ZNF493: variants seen among roughly 807,000 people sequenced by gnomAD.
ZNF493 encodes the protein zinc finger protein 493.
In ZNF493, 11 loss-of-function variants were observed where a neutral mutation model predicts 12.2. That is an observed-to-expected ratio of 0.90 (90% CI 0.57 to 1.50). The LOEUF (loss-of-function observed/expected upper bound fraction) is 1.50, where lower values mean the gene tolerates loss of function less well. Among genes scored for constraint, ZNF493 ranks in the 40% most tolerant of loss-of-function variants. ZNF493 has a pLI of 0.00. For synonymous variants in ZNF493, 286 were observed against 302.6 expected, an observed-to-expected ratio of 0.95 and a Z score of 0.57; for missense variants, 950 against 906.6, an observed-to-expected ratio of 1.05 and a Z score of -0.61.
At chr19:21,406,357 G>A (rs1026228167) in intron 3 of ZNF493, among the ~76,000 whole-genome samples, 6 of 149,256 alleles carry the variant, frequency 4.0e-5, no homozygotes, top group Admixed American at 4.0e-4. Context: ...TTTTTTTTTT[G>A]TTGTTCTTTT....
chr19:21,399,217 G>A (rs1974221419), intron 1 of ZNF493, among the ~76,000 whole-genome samples: 1 of 151,854 alleles, frequency 6.6e-6, no homozygotes, highest in African/African-American at 2.4e-5. Context: ...CTGGAGTGCT[G>A]TGGCCCGATC....
Position 21,405,144 on chromosome 19 carries a change from A to G in ZNF493, c.46A>G (p.Arg16Gly), listed in dbSNP as rs752159138. Residue 16 changes from arginine to glycine, a missense_variant, in exon 2 of 4, where the codon AGG becomes GGG. Physicochemically the swap from Arg to Gly is moderately radical, Grantham distance 125. Transcript: ENST00000392288. ...ESLDMGPLTF[R>G]DVAIEFSLEE... Reference sequence around the variant, plus strand: ...TTTGTTTCAGGGGCCGTTGACATTTAGGGATGTGGCCATAGAATTCTCTCT... The same window carrying G: ...TTTGTTTCAGGGGCCGTTGACATTTGGGGATGTGGCCATAGAATTCTCTCT... 1 of 1,613,744 alleles carries G rather than the reference A, an allele frequency of 6.2e-7. No individual in the cohort carries two copies. The highest frequency in any genetic ancestry group is 2.2e-5 in the East Asian group (1 of 44,858).
intron 3 of ZNF493, among the ~76,000 whole-genome samples, chr19:21,422,684 G>C (rs1487031816): frequency 2.0e-5 from 3 of 151,894 alleles, no homozygotes; most frequent in African/African-American, 4.8e-5. Context: ...TTTCCCTTCT[G>C]TGTGACTTTG....
At chr19:21,418,908 C>G (rs2030572659) in intron 3 of ZNF493, among the ~76,000 whole-genome samples, 1 of 152,116 alleles carries the variant, frequency 6.6e-6, no homozygotes, top group African/African-American at 2.4e-5. Flanking sequence ...CACAACCTCC[C>G]AGCGTGGGCG....
intron 3 of ZNF493, among the ~76,000 whole-genome samples, chr19:21,409,074 C>T (rs750697018): frequency 5.9e-5 from 9 of 151,552 alleles, no homozygotes; most frequent in Admixed American, 2.6e-4. Flanking sequence ...TTAGCAGAGA[C>T]GGGGTTTCAC....
chr19:21,425,884 C>T lies in ZNF493; in HGVS notation c.*900C>T. 1.7e-6 allele frequency: 1 copy of T among 594,450 alleles called. No homozygotes were observed. 36.8% of individuals were successfully genotyped at this position (594,450 alleles called of 1,614,324 possible). A position where few individuals can be genotyped will look rare whatever the true frequency, so the allele number is the denominator to read the frequency against. ...TGAAGAATGTGGCAAAGCTTTTAAC[C>T]AGTCCTCAAACTTTATTGAACAAAA... On this transcript the variant is annotated 3_prime_UTR_variant, in exon 4 of 4. Transcript: ENST00000392288.
chr19:21,425,192 T>G lies in ZNF493; in HGVS notation c.*208T>G, dbSNP rs1014874344. The G allele has an allele frequency of 8.9e-6, 6 of 673,662 alleles. No individual in the cohort carries two copies. Among genetic ancestry groups the G allele is most frequent in the Non-Finnish European group, 1.6e-5 (6 of 385,158 alleles). The allele number at this position is 673,662 out of a possible 1,614,324, so 41.7% of individuals were successfully genotyped here. A position where few individuals can be genotyped will look rare whatever the true frequency, so the allele number is the denominator to read the frequency against. ...ATATTGGAGAGAAATTCTACAGATG[T>G]GAAGAATGTGGCAAAGGCTTTAATT... is the stretch of plus-strand genomic sequence containing the variant. On this transcript the variant is annotated 3_prime_UTR_variant, in exon 4 of 4. Transcript: ENST00000392288.
chr19:21,410,573 A>G (rs2030293631), intron 3 of ZNF493, among the ~76,000 whole-genome samples: 1 of 152,096 alleles, frequency 6.6e-6, no homozygotes, highest in African/African-American at 2.4e-5. Flanking sequence ...TTCAGTTTTA[A>G]GAGTTCATAT....
intron 1 of ZNF493, among the ~76,000 whole-genome samples, chr19:21,399,867 A>G (rs751877399): frequency 3.3e-5 from 5 of 152,168 alleles, no homozygotes; most frequent in Non-Finnish European, 7.3e-5. Flanking sequence ...TTGGTGAGTT[A>G]CGTAGATTCA....
intron 3 of ZNF493, chr19:21,407,887 T>C: frequency 1.0e-6 from 1 of 985,038 alleles, no homozygotes; most frequent in Non-Finnish European, 1.2e-6. Context: ...CACAATAGAG[T>C]TTACTATTGG....
chr19:21,409,399 T>G (rs1037408095), intron 3 of ZNF493, among the ~76,000 whole-genome samples: 2 of 150,600 alleles, frequency 1.3e-5, no homozygotes, highest in Non-Finnish European at 3.0e-5. Context: ...GTTAGAAAAT[T>G]AATTGTTGTA....
chr19:21,407,798 G>A (rs1271540845), intron 3 of ZNF493: 2 of 985,052 alleles, frequency 2.0e-6, no homozygotes, highest in Non-Finnish European at 2.4e-6. Flanking sequence ...CAGTTTCAAT[G>A]GCTTTAAAAA....
Position 21,426,537 on chromosome 19 carries a change from C to A in ZNF493, c.*1553C>A, listed in dbSNP as rs936305345. On this transcript the variant is annotated 3_prime_UTR_variant, in exon 4 of 4. Coordinates refer to ENST00000392288, the MANE Select transcript of ZNF493 (RefSeq NM_001076678.3). ...TACAACCATAAAGAGGGTTGAAGTA[C>A]CTTTACTTGTATCAGATCTTATTGT... 1 of 166,830 alleles carries A rather than the reference C, an allele frequency of 6.0e-6. No homozygotes were observed. The highest frequency in any genetic ancestry group is 2.4e-5 in the African/African-American group (1 of 41,400). The allele number at this position is 166,830 out of a possible 1,614,324, so 10.3% of individuals were successfully genotyped here. A position where few individuals can be genotyped will look rare whatever the true frequency, so the allele number is the denominator to read the frequency against.
intron 3 of ZNF493, among the ~76,000 whole-genome samples, chr19:21,407,265 C>T (rs2030161899): frequency 6.6e-6 from 1 of 151,896 alleles, no homozygotes; most frequent in South Asian, 2.1e-4. Context: ...AGGGGAATCA[C>T]TATTATTAAT....
At chr19:21,415,070 CGATTT>C (rs2030440090) in intron 3 of ZNF493, among the ~76,000 whole-genome samples, 1 of 151,934 alleles carries the variant, frequency 6.6e-6, no homozygotes, top group African/African-American at 2.4e-5. Flanking sequence ...ATCACAGTAG[CGATTT>C]GATTTAAATA....
chr19:21,419,998 G>A lies in ZNF493; in HGVS notation c.254-2915G>A, dbSNP rs1351637748. 2.0e-5 allele frequency among the ~76,000 whole-genome samples: 3 copies of A among 152,138 alleles called. No homozygotes were observed. In the East Asian group the frequency reaches 5.8e-4, roughly 29 times the overall value. The stretch of plus-strand genomic sequence containing the variant: ...CACGGCCACTCCTCTCCCAGGACAA[G>A]GTTTTACCCTCAGGAATTATGCCCA... On this transcript the variant is annotated intron_variant, in intron 3 of 3. Coordinates refer to ENST00000392288, the MANE Select transcript of ZNF493 (RefSeq NM_001076678.3).
At chr19:21,422,423 C>CTTTATTTATTTA (rs56412249) in intron 3 of ZNF493, among the ~76,000 whole-genome samples, 177 of 129,498 alleles carry the variant, frequency 1.4e-3, no homozygotes, top group East Asian at 5.0e-3. Flanking sequence ...CAAGTTACTT[C>CTTTATTTATTTA]TTTATTTATT....
chr19:21,405,094 G>GTA lies in ZNF493; in HGVS notation c.31-34_31-33insAT, dbSNP rs776642039. The GTA allele has an allele frequency of 5.6e-6, 9 of 1,594,372 alleles. No individual in the cohort carries two copies. The Middle Eastern group carries it at 1.0e-3, about 178-fold the overall frequency. On this transcript the variant is annotated intron_variant, in intron 1 of 3. Coordinates refer to ENST00000392288, the MANE Select transcript of ZNF493 (RefSeq NM_001076678.3). ...AAATTTTGCCCACGTGTAAATGTGT[G>GTA]TGTGTGTGTGTGTGTTTGTGTGTGT...
intron 3 of ZNF493, chr19:21,408,757 C>G: frequency 1.0e-6 from 1 of 984,286 alleles, no homozygotes; most frequent in East Asian, 1.1e-4. Flanking sequence ...TACTTTATGT[C>G]AATGTGAGGT....
Sources: allele counts gnomAD v4.1 joint callset (sites outside exome capture counted in the v4.1 genomes callset), GRCh38; gene constraint gnomAD v4.1.1; transcripts MANE v1.5; gene names NCBI Gene and HGNC (gene_info 2026-07-23, HGNC 2026-07-21).